NEK10: variants seen among roughly 807,000 people sequenced by gnomAD.
NEK10 encodes serine/threonine-protein kinase Nek10.
In NEK10, 122 loss-of-function variants were observed where a neutral mutation model predicts 159.8. The observed-to-expected ratio is 0.76, with a 90% CI of 0.66 to 0.89. The LOEUF (loss-of-function observed/expected upper bound fraction) is 0.89. NEK10 is among the 40% of genes least tolerant of loss of function. The pLI is 0.00. For missense variants in NEK10, 1,342 were observed against 1,323.1 expected (o/e 1.01, Z -0.22); for synonymous variants, 466 against 457.1 (o/e 1.02, Z -0.25).
chr3:27,248,677 G>C (rs1393049539), intron 23 of NEK10, among the ~76,000 whole-genome samples: 1 of 152,082 alleles, frequency 6.6e-6, no homozygotes, highest in East Asian at 1.9e-4. Flanking sequence ...TATTCCTCTT[G>C]TCACTGATTT....
At chr3:27,343,446 G>T (rs1337168743) in intron 5 of NEK10, among the ~76,000 whole-genome samples, 1 of 151,916 alleles carries the variant, frequency 6.6e-6, no homozygotes, top group Admixed American at 6.6e-5. Flanking sequence ...ATTTTCACTG[G>T]GATGGAATTC....
intron 30 of NEK10, among the ~76,000 whole-genome samples, chr3:27,143,711 TA>T (rs1206593959): frequency 2.6e-5 from 4 of 152,148 alleles, no homozygotes; most frequent in African/African-American, 9.7e-5. Flanking sequence ...ACAAAAATGT[TA>T]GTTGTACAAA....
chr3:27,159,029 C>T (rs1266246895), intron 30 of NEK10, among the ~76,000 whole-genome samples: 1 of 151,938 alleles, frequency 6.6e-6, no homozygotes, highest in Non-Finnish European at 1.5e-5. Flanking sequence ...CTTTACAGAC[C>T]ACAGAATCAA....
At chr3:27,225,095 A>C (rs553025820) in intron 23 of NEK10, among the ~76,000 whole-genome samples, 13 of 152,242 alleles carry the variant, frequency 8.5e-5, no homozygotes, top group Non-Finnish European at 7.3e-5. Flanking sequence ...CTGAGGAGCA[A>C]GGAGAGTCAG....
At chr3:27,350,088 G>A (rs983433198) in intron 3 of NEK10, among the ~76,000 whole-genome samples, 2 of 152,242 alleles carry the variant, frequency 1.3e-5, no homozygotes, top group East Asian at 3.9e-4. Context: ...CCTGAATTTG[G>A]CCAGCCTGGT....
chr3:27,336,921 T>C (rs1237179705), intron 5 of NEK10, among the ~76,000 whole-genome samples: 3 of 151,570 alleles, frequency 2.0e-5, no homozygotes, highest in Admixed American at 1.3e-4. Context: ...CTCCAAGAAA[T>C]GGAACATGAC....
chr3:27,348,499 A>C (rs2047729124), intron 3 of NEK10, among the ~76,000 whole-genome samples: 2 of 152,180 alleles, frequency 1.3e-5, no homozygotes, highest in African/African-American at 4.8e-5. Context: ...AGAAATGTAC[A>C]TTCAGAATCC....
intron 29 of NEK10, among the ~76,000 whole-genome samples, chr3:27,166,540 G>A (rs1177103907): frequency 1.3e-5 from 2 of 152,166 alleles, no homozygotes; most frequent in Non-Finnish European, 2.9e-5. Context: ...AGAGCTATAA[G>A]TAAAAATAAG....
At chr3:27,268,466 T>A (rs889769895) in intron 22 of NEK10, among the ~76,000 whole-genome samples, 1 of 152,198 alleles carries the variant, frequency 6.6e-6, no homozygotes, top group Non-Finnish European at 1.5e-5. Flanking sequence ...CCAATGCTTA[T>A]TGACCATTCT....
intron 11 of NEK10, among the ~76,000 whole-genome samples, chr3:27,306,104 T>C (rs1359745664): frequency 6.6e-6 from 1 of 152,146 alleles, no homozygotes; most frequent in Non-Finnish European, 1.5e-5. Context: ...CACCACAATA[T>C]TTTCAGTCTT....
intron 33 of NEK10, among the ~76,000 whole-genome samples, chr3:27,116,762 C>T (rs534941929): frequency 2.1e-4 from 32 of 152,018 alleles, no homozygotes; most frequent in South Asian, 4.2e-4. Flanking sequence ...AGCCTTCCAA[C>T]GTCTGTACAT....
intron 25 of NEK10, among the ~76,000 whole-genome samples, chr3:27,197,315 A>G (rs965726078): frequency 1.3e-5 from 2 of 151,572 alleles, no homozygotes; most frequent in Non-Finnish European, 3.0e-5. Flanking sequence ...AGCTGGAATT[A>G]CAGGCGCACA....
At chr3:27,348,278 G>C (rs1408822558) in intron 3 of NEK10, among the ~76,000 whole-genome samples, 1 of 152,134 alleles carries the variant, frequency 6.6e-6, no homozygotes, top group Non-Finnish European at 1.5e-5. Context: ...AGAGAAATTA[G>C]CCAGCACAGA....
chr3:27,161,182 T>C (rs1945981768), intron 30 of NEK10, among the ~76,000 whole-genome samples: 1 of 152,234 alleles, frequency 6.6e-6, no homozygotes, highest in African/African-American at 2.4e-5. Context: ...CTTACATATA[T>C]ATGTGTGTTC....
chr3:27,175,843 A>G (rs571675545), intron 26 of NEK10, among the ~76,000 whole-genome samples: 2 of 152,192 alleles, frequency 1.3e-5, no homozygotes, highest in South Asian at 2.1e-4. Context: ...TTGAAGGGGA[A>G]AGAATTCCCT....
chr3:27,345,058 G>C (rs979832787), intron 4 of NEK10, among the ~76,000 whole-genome samples: 1 of 152,042 alleles, frequency 6.6e-6, no homozygotes, highest in Non-Finnish European at 1.5e-5. Context: ...AAAATGAAAG[G>C]GTCACATTGC....
chr3:27,133,094 C>T (rs555361249), intron 31 of NEK10, among the ~76,000 whole-genome samples: 1 of 152,270 alleles, frequency 6.6e-6, no homozygotes, highest in South Asian at 2.1e-4. Flanking sequence ...TTTTCTCCAC[C>T]ACTGTCCTCC....
chr3:27,149,589 CAT>C lies in NEK10; in HGVS notation c.2870-8009_2870-8008del, dbSNP rs1270535384. 2.0e-5 allele frequency among the ~76,000 whole-genome samples: 3 copies of C among 152,122 alleles called. No homozygotes were observed. In the East Asian group the frequency reaches 5.8e-4, roughly 29 times the overall value. On this transcript the variant is annotated intron_variant, in intron 30 of 35. Coordinates refer to ENST00000691995, the MANE Select transcript of NEK10 (RefSeq NM_001394966.1). ...GTTTTGGGGCACCACAAACTGCACTCATATAAGATAGTAAACTTAATGGATGG... is the reference window on the plus strand; with the variant it reads ...GTTTTGGGGCACCACAAACTGCACTCATAAGATAGTAAACTTAATGGATGG...
intron 3 of NEK10, among the ~76,000 whole-genome samples, chr3:27,349,208 T>C (rs1575867189): frequency 6.6e-6 from 1 of 152,232 alleles, no homozygotes; most frequent in East Asian, 1.9e-4. Context: ...CATTACATAG[T>C]GTCTTCCAGC....
Sources: gnomAD v4.1 joint callset for allele counts (sites outside exome capture counted in the v4.1 genomes callset) on GRCh38, gnomAD v4.1.1 for gene constraint, MANE v1.5 for transcripts, NCBI Gene and HGNC (gene_info 2026-07-23, HGNC 2026-07-21) for gene names.